RPTOR: variants seen among roughly 807,000 people sequenced by gnomAD.
RPTOR encodes the protein regulatory associated protein of MTOR complex 1, also known as regulatory-associated protein of mTOR.
In RPTOR, 21 loss-of-function variants were observed where a neutral mutation model predicts 169.9. The ratio of observed to expected loss-of-function variants is 0.12; its 90% CI spans 0.09 to 0.18. The LOEUF is 0.18. Ranked by LOEUF, RPTOR falls within the 10% of genes least tolerant of loss-of-function variation. RPTOR has a pLI of 1.00. For missense variants in RPTOR, 1,133 were observed against 1,855.9 expected, an observed-to-expected ratio of 0.61 and a Z score of 7.16; for synonymous variants, 732 against 753.2, an observed-to-expected ratio of 0.97 and a Z score of 0.46.
intron 3 of RPTOR, among the ~76,000 whole-genome samples, chr17:80,700,697 ATGGTGG>A (rs1567864587): frequency 8.7e-5 from 2 of 23,050 alleles, no homozygotes; most frequent in African/African-American, 1.4e-4. Context: ...GGTGATGGTG[ATGGTGG>A]TGGTGATGGT....
chr17:80,835,859 C>T (rs1198250367), intron 9 of RPTOR, among the ~76,000 whole-genome samples: 13 of 152,312 alleles, frequency 8.5e-5, no homozygotes, highest in East Asian at 1.9e-4. Flanking sequence ...AACCTGTATC[C>T]GCGGAGATCA....
At chr17:80,828,999 G>T (rs1238152864) in intron 9 of RPTOR, among the ~76,000 whole-genome samples, 2 of 152,150 alleles carry the variant, frequency 1.3e-5, no homozygotes, top group Non-Finnish European at 2.9e-5. Context: ...ACACTAAACA[G>T]ATTTATAAAT....
At chr17:80,952,278 C>T (rs930905940) in intron 28 of RPTOR, among the ~76,000 whole-genome samples, 2 of 152,240 alleles carry the variant, frequency 1.3e-5, no homozygotes, top group Non-Finnish European at 2.9e-5. Flanking sequence ...AGGGAATAAA[C>T]AACTCACATG....
At chr17:80,712,866 G>A (rs1411003694) in intron 4 of RPTOR, among the ~76,000 whole-genome samples, 1 of 152,120 alleles carries the variant, frequency 6.6e-6, no homozygotes, top group Non-Finnish European at 1.5e-5. Context: ...CATTCTGGTG[G>A]GTATGTAGTA....
intron 1 of RPTOR, among the ~76,000 whole-genome samples, chr17:80,554,472 G>A (rs774784573): frequency 6.6e-6 from 1 of 151,938 alleles, no homozygotes; most frequent in Non-Finnish European, 1.5e-5. Flanking sequence ...GGTGGGGTGC[G>A]GTGGCTCACA....
intron 3 of RPTOR, among the ~76,000 whole-genome samples, chr17:80,701,144 A>C (rs2066097445): frequency 6.6e-6 from 1 of 152,156 alleles, no homozygotes; most frequent in Non-Finnish European, 1.5e-5. Flanking sequence ...GAAGATGTGC[A>C]CTGGACAATT....
At chr17:80,661,303 C>T (rs952153747) in intron 3 of RPTOR, among the ~76,000 whole-genome samples, 2 of 152,122 alleles carry the variant, frequency 1.3e-5, no homozygotes, top group African/African-American at 4.8e-5. Context: ...CAGCACAAGG[C>T]GGGTGGCTGT....
chr17:80,617,296 G>A (rs1473615327), intron 1 of RPTOR, among the ~76,000 whole-genome samples: 1 of 152,172 alleles, frequency 6.6e-6, no homozygotes, highest in Non-Finnish European at 1.5e-5. Context: ...GTTTGAGCAT[G>A]TCCTGTGCCA....
At chr17:80,583,674 G>T (rs1043664264) in intron 1 of RPTOR, among the ~76,000 whole-genome samples, 1 of 152,200 alleles carries the variant, frequency 6.6e-6, no homozygotes, top group African/African-American at 2.4e-5. Context: ...TCCCAACCCG[G>T]TAGTGAAGGG....
intron 1 of RPTOR, among the ~76,000 whole-genome samples, chr17:80,585,095 T>C (rs1014350871): frequency 6.6e-6 from 1 of 152,100 alleles, no homozygotes; most frequent in Admixed American, 6.5e-5. Context: ...CATTTGGAAA[T>C]TGAATTAAAA....
chr17:80,792,937 A>G (rs1401657873), intron 7 of RPTOR, among the ~76,000 whole-genome samples: 2 of 152,140 alleles, frequency 1.3e-5, no homozygotes, highest in Admixed American at 1.3e-4. Flanking sequence ...CCCAAATCTA[A>G]AAATCCAAAA....
At chr17:80,859,653 A>G (rs1055753983) in intron 13 of RPTOR, among the ~76,000 whole-genome samples, 20 of 152,234 alleles carry the variant, frequency 1.3e-4, no homozygotes, top group Middle Eastern at 3.4e-3. Context: ...AGCCCCAGCA[A>G]CTCATTAGAA....
chr17:80,559,327 G>A (rs562932674), intron 1 of RPTOR, among the ~76,000 whole-genome samples: 11 of 152,252 alleles, frequency 7.2e-5, no homozygotes, highest in African/African-American at 2.2e-4. Context: ...CCTTCAAGCC[G>A]TTTCTTGCTG....
At chr17:80,897,631 C>T (rs1473994671) in intron 20 of RPTOR, among the ~76,000 whole-genome samples, 2 of 152,224 alleles carry the variant, frequency 1.3e-5, no homozygotes, top group South Asian at 4.1e-4. Context: ...CGCTCACCAG[C>T]TATTTCTTTG....
intron 3 of RPTOR, among the ~76,000 whole-genome samples, chr17:80,678,208 T>G (rs532476913): frequency 5.3e-5 from 8 of 152,300 alleles, no homozygotes; most frequent in East Asian, 1.9e-4. Flanking sequence ...GGTACAAGTT[T>G]GCAGCAGAAA....
intron 3 of RPTOR, among the ~76,000 whole-genome samples, chr17:80,654,954 CAT>C (rs977411258): frequency 3.9e-4 from 60 of 152,326 alleles, no homozygotes; most frequent in African/African-American, 1.3e-3. Flanking sequence ...AATGGATAAA[CAT>C]AGAAGAAAGA....
At chr17:80,831,658 G>A (rs1240157908) in intron 9 of RPTOR, among the ~76,000 whole-genome samples, 4 of 152,218 alleles carry the variant, frequency 2.6e-5, no homozygotes, top group African/African-American at 9.7e-5. Flanking sequence ...ACAGAGGGCA[G>A]CAGCATCTCC....
At chr17:80,704,108 C>T (rs779122559) in intron 3 of RPTOR, among the ~76,000 whole-genome samples, 20 of 152,146 alleles carry the variant, frequency 1.3e-4, no homozygotes, top group Non-Finnish European at 1.8e-4. Flanking sequence ...AGACTGAACC[C>T]GTCCTACGTG....
At chr17:80,545,814 C>G (rs370039731) in intron 1 of RPTOR, 23 bp downstream of exon 1, 9 of 1,556,644 alleles carry the variant, frequency 5.8e-6, no homozygotes, top group Non-Finnish European at 7.8e-6. Flanking sequence ...TGAAGGCACC[C>G]CTTGAACTTG....
Sources: allele counts gnomAD v4.1 joint callset (sites outside exome capture counted in the v4.1 genomes callset), GRCh38; gene constraint gnomAD v4.1.1; transcripts MANE v1.5; gene names NCBI Gene and HGNC (gene_info 2026-07-23, HGNC 2026-07-21).